The following PMP22 variants were observed in gnomAD, a reference collection of about 807,000 sequenced individuals.
PMP22 encodes the protein Charcot-Marie-Tooth neuropathy 1A (greatly reduced nerve conduction velocity, hereditary motor sensory neuropathy Ia).
In PMP22, 2 loss-of-function variants were observed where a neutral mutation model predicts 18.9. That is an observed-to-expected ratio of 0.11 (90% CI 0.04 to 0.33). The LOEUF (loss-of-function observed/expected upper bound fraction) is 0.33. PMP22 is among the 10% of genes least tolerant of loss of function. The pLI, the probability that PMP22 is intolerant of heterozygous loss-of-function variation, is 1.00. For missense variants in PMP22, 169 were observed against 202.2 expected, an observed-to-expected ratio of 0.84 and a Z score of 1.00; for synonymous variants, 95 against 89.2, an observed-to-expected ratio of 1.07 and a Z score of -0.37.
chr17:15,252,189 G>C (rs1350428905), intron 3 of PMP22, among the ~76,000 whole-genome samples: 1 of 152,102 alleles, frequency 6.6e-6, no homozygotes, highest in Non-Finnish European at 1.5e-5. Flanking sequence ...CCACAGACAA[G>C]GAAATTGTCT....
Position 15,259,131 on chromosome 17 carries a change from T to G in PMP22, c.141A>C (p.Ser47=), listed in dbSNP as rs1322978373. ...ATGAGAAACAGTGGTGGACATTTCC[T>G]GAGGAAGAGGTGCTACAGTTCTGCC... ...DLWQNCSTSS[S]GNVHHCFSSS... The change falls in exon 3 of 5, where the codon TCA becomes TCC. Residue 47 remains serine, a synonymous_variant. Coordinates refer to ENST00000312280, the MANE Select transcript of PMP22 (RefSeq NM_000304.4). 1.2e-6 allele frequency: 2 copies of G among 1,613,970 alleles called. No homozygotes were observed. The highest frequency in any genetic ancestry group is 1.6e-4 in the Middle Eastern group (1 of 6,062).
chr17:15,236,318 T>A (rs879722068), intron 4 of PMP22, among the ~76,000 whole-genome samples: 2 of 152,024 alleles, frequency 1.3e-5, no homozygotes, highest in Non-Finnish European at 2.9e-5. Flanking sequence ...AAACCTACAG[T>A]CAGCTCCAAG....
chr17:15,264,234 A>AGGTAGG lies in PMP22; in HGVS notation c.-35+919_-35+920insCCTACC, dbSNP rs1567721998. Among the ~76,000 whole-genome samples the AGGTAGG allele has an allele frequency of 3.7e-4, 16 of 42,702 alleles. No individual in the cohort carries two copies. The East Asian group carries it at 8.2e-3, about 22-fold the overall frequency. The allele number at this position is 42,702 out of a possible 152,430, so 28.0% of individuals were successfully genotyped here. A position where few individuals can be genotyped will look rare whatever the true frequency, so the allele number is the denominator to read the frequency against. ...GATAGGTAGGTAGGTAGGTAGGTAG[A>AGGTAGG]TAGATAGATAGATAGATAGATATAG... is the stretch of plus-strand genomic sequence containing the variant. On this transcript the variant is annotated intron_variant, in intron 1 of 4. Coordinates refer to ENST00000312280, the MANE Select transcript of PMP22 (RefSeq NM_000304.4).
At chr17:15,231,199 A>G in intron 4 of PMP22, 119 bp from the exon 5 acceptor site, 3 of 991,356 alleles carry the variant, frequency 3.0e-6, no homozygotes, top group Non-Finnish European at 4.7e-6. Context: ...TCTGGAAGGA[A>G]ATCTGCTTCC....
chr17:15,249,590 T>A (rs775727805), intron 3 of PMP22, among the ~76,000 whole-genome samples: 21 of 152,130 alleles, frequency 1.4e-4, no homozygotes, highest in Non-Finnish European at 3.1e-4. Flanking sequence ...CTTCCCTTAT[T>A]CTCTGCTCAT....
intron 3 of PMP22, among the ~76,000 whole-genome samples, 176 bp from the exon 4 acceptor site, chr17:15,239,787 G>A (rs1907159144): frequency 6.6e-6 from 1 of 152,196 alleles, no homozygotes; most frequent in Non-Finnish European, 1.5e-5. Context: ...AATCTAAGAA[G>A]ACATTCTTTA....
chr17:15,246,720 G>C (rs1271472228), intron 3 of PMP22, among the ~76,000 whole-genome samples: 1 of 152,232 alleles, frequency 6.6e-6, no homozygotes, highest in East Asian at 1.9e-4. Flanking sequence ...CATTTGTGGA[G>C]TTTCCAGTGG....
chr17:15,259,862 C>T (rs989219268), intron 2 of PMP22, among the ~76,000 whole-genome samples: 5 of 149,738 alleles, frequency 3.3e-5, no homozygotes, highest in South Asian at 2.1e-4. Context: ...GGCTTGAACC[C>T]GGAAGGCAGA....
chr17:15,232,138 C>G (rs967766914), intron 4 of PMP22, among the ~76,000 whole-genome samples: 1 of 152,010 alleles, frequency 6.6e-6, no homozygotes, highest in African/African-American at 2.4e-5. Context: ...GCCCCCCCAC[C>G]GCCCGGCCAC....
At chr17:15,260,899 G>C (rs1909282099) in intron 1 of PMP22, 138 bp from the exon 2 acceptor site, 1 of 476,912 alleles carries the variant, frequency 2.1e-6, no homozygotes, top group African/African-American at 2.1e-5. Context: ...CGCGGGTCAG[G>C]AGCCTTCGCG....
In PMP22 at chr17:15,230,682, T is replaced by C. The variant is rs540148653; in HGVS notation, c.*235A>G. 316 of 549,916 alleles carry C rather than the reference T, an allele frequency of 5.7e-4. 3 individuals are homozygous for C. In the South Asian group the frequency reaches 6.2e-3, roughly 11 times the overall value. The allele number at this position is 549,916 out of a possible 1,614,324, so 34.1% of individuals were successfully genotyped here. On this transcript the variant is annotated 3_prime_UTR_variant, in exon 5 of 5. Transcript: ENST00000312280. ...CTCAACACGAGGCTGATGGTCAACA[T>C]AAAAAGCAAACAATACTATGTACAT...
At chr17:15,245,362 G>A (rs978133537) in intron 3 of PMP22, among the ~76,000 whole-genome samples, 1 of 152,152 alleles carries the variant, frequency 6.6e-6, no homozygotes, top group Non-Finnish European at 1.5e-5. Flanking sequence ...TAAGGGTCCC[G>A]TGTGAGCACG....
Position 15,239,616 on chromosome 17 carries a change from G to C in PMP22, c.179-5C>G, listed in dbSNP as rs753459194. 1 of 1,613,660 alleles carries C rather than the reference G, an allele frequency of 6.2e-7. No individual in the cohort carries two copies. Among genetic ancestry groups the C allele is most frequent in the Non-Finnish European group, 8.5e-7 (1 of 1,179,858 alleles). ...CCTGGACAGACTGCAGCCATTCTGGGGGAAAGAGACACTTGGTTAGGAGAG... is the reference window on the plus strand; with the variant it reads ...CCTGGACAGACTGCAGCCATTCTGGCGGAAAGAGACACTTGGTTAGGAGAG... On this transcript the variant is annotated splice_region_variant and splice_polypyrimidine_tract_variant and intron_variant, in intron 3 of 4. Coordinates refer to ENST00000312280, the MANE Select transcript of PMP22 (RefSeq NM_000304.4).
intron 1 of PMP22, among the ~76,000 whole-genome samples, 178 bp downstream of exon 1, chr17:15,264,976 T>C (rs1368714185): frequency 1.3e-5 from 2 of 152,098 alleles, no homozygotes; most frequent in African/African-American, 4.8e-5. Flanking sequence ...AGAGTATATA[T>C]CCACCTTTTA....
At position 15,265,226 on chromosome 17, in the gene PMP22, A is replaced by T. The variant is rs1259313223; in HGVS notation, c.-107T>A. ...CAAATGCAAGGGATGTTAAGGCAAG[A>T]CCCTCCCCACAGGGCAGTCAGAGAC... On this transcript the variant is annotated 5_prime_UTR_variant, in exon 1 of 5. Transcript: ENST00000312280. The T allele has an allele frequency of 1.3e-5, 2 of 151,794 alleles. No individual in the cohort carries two copies. Among genetic ancestry groups the T allele is most frequent in the Non-Finnish European group, 2.9e-5 (2 of 68,012 alleles). 9.4% of individuals were successfully genotyped at this position (151,794 alleles called of 1,614,324 possible).
At chr17:15,246,598 C>T (rs1567709828) in intron 3 of PMP22, among the ~76,000 whole-genome samples, 1 of 152,236 alleles carries the variant, frequency 6.6e-6, no homozygotes, top group Admixed American at 6.5e-5. Flanking sequence ...CGATACTCTT[C>T]CCCACGCCCC....
intron 3 of PMP22, among the ~76,000 whole-genome samples, chr17:15,242,251 CAAA>C (rs59075019): frequency 0.033 from 1,805 of 54,612 alleles, 16 homozygotes; most frequent in East Asian, 0.16. Flanking sequence ...GACTCTGTCT[CAAA>C]AAAAAAAAAA....
chr17:15,254,389 A>G (rs765100031), intron 3 of PMP22, among the ~76,000 whole-genome samples: 2 of 152,192 alleles, frequency 1.3e-5, no homozygotes, highest in Non-Finnish European at 2.9e-5. Context: ...CATTGGAACA[A>G]TGGGGTGGCC....
Position 15,230,754 on chromosome 17 carries a change from T to A in PMP22, c.*163A>T, listed in dbSNP as rs1355785468. On this transcript the variant is annotated 3_prime_UTR_variant, in exon 5 of 5. Coordinates refer to ENST00000312280, the MANE Select transcript of PMP22 (RefSeq NM_000304.4). Reference sequence around the variant, plus strand: ...TAGGTTTTATAAACCGGAGATATTATATACATCTTCAATCAACAGCAACCC... The same window carrying A: ...TAGGTTTTATAAACCGGAGATATTAAATACATCTTCAATCAACAGCAACCC... The A allele has an allele frequency of 4.4e-6, 3 of 681,756 alleles. No homozygotes were observed. The highest frequency in any genetic ancestry group is 7.7e-6 in the Non-Finnish European group (3 of 388,448). 42.2% of individuals were successfully genotyped at this position (681,756 alleles called of 1,614,324 possible).
Sources: allele counts gnomAD v4.1 joint callset (sites outside exome capture counted in the v4.1 genomes callset), GRCh38; gene constraint gnomAD v4.1.1; transcripts MANE v1.5; gene names NCBI Gene and HGNC (gene_info 2026-07-23, HGNC 2026-07-21).